The following DCDC2C variants were observed in gnomAD, a reference collection of about 807,000 sequenced individuals.
The protein encoded by DCDC2C is doublecortin domain-containing protein 2C.
DCDC2C carries 44 observed loss-of-function variants against 45.0 expected under a neutral mutation model. The observed-to-expected ratio is 0.98, with a 90% CI of 0.77 to 1.26. The LOEUF (loss-of-function observed/expected upper bound fraction) is 1.26, where lower values mean the gene tolerates loss of function less well. Among genes scored for constraint, DCDC2C ranks in the 50% most tolerant of loss-of-function variants. The pLI, the probability that DCDC2C is intolerant of heterozygous loss-of-function variation, is 0.00. For missense variants in DCDC2C, 447 were observed against 468.9 expected, an observed-to-expected ratio of 0.95 and a Z score of 0.43; for synonymous variants, 187 against 178.8, an observed-to-expected ratio of 1.05 and a Z score of -0.37.
Position 3,747,255 on chromosome 2 carries a change from G to T in DCDC2C, c.545+5207G>T, listed in dbSNP as rs183757549. Among the ~76,000 whole-genome samples the T allele has an allele frequency of 3.3e-5, 5 of 152,350 alleles. No homozygotes were observed. The East Asian group carries it at 9.6e-4, about 29-fold the overall frequency. On this transcript the variant is annotated intron_variant, in intron 4 of 10. Coordinates refer to ENST00000399143, the MANE Select transcript of DCDC2C (RefSeq NM_001287444.2). ...CCTCGGTTTCTGTGCAGGGCTCAGT[G>T]TCAGTCATGCTGCCCTGCATCGTGG...
chr2:3,720,931 C>T (rs773052252), intron 2 of DCDC2C, among the ~76,000 whole-genome samples: 1 of 152,194 alleles, frequency 6.6e-6, no homozygotes, highest in African/African-American at 2.4e-5. Flanking sequence ...ACAAATTCAA[C>T]TCTTCAGTAA....
At chr2:3,815,984 T>C (rs1671548018) in intron 10 of DCDC2C, among the ~76,000 whole-genome samples, 1 of 151,972 alleles carries the variant, frequency 6.6e-6, no homozygotes. Flanking sequence ...TGTTGAAGCA[T>C]TGGGGTGGCA....
chr2:3,798,776 C>T (rs1004750761), intron 10 of DCDC2C, among the ~76,000 whole-genome samples: 4 of 152,030 alleles, frequency 2.6e-5, no homozygotes, highest in African/African-American at 7.2e-5. Flanking sequence ...GAGGGTAACC[C>T]GACCTTTCTC....
At chr2:3,720,247 A>G (rs1458940248) in intron 2 of DCDC2C, among the ~76,000 whole-genome samples, 2 of 152,210 alleles carry the variant, frequency 1.3e-5, no homozygotes, top group African/African-American at 2.4e-5. Context: ...GTCTGTGAGG[A>G]CGTAGCAAAA....
intron 6 of DCDC2C, among the ~76,000 whole-genome samples, chr2:3,759,063 G>A (rs1021206262): frequency 3.3e-5 from 5 of 152,166 alleles, no homozygotes; most frequent in African/African-American, 7.2e-5. Flanking sequence ...GATTGCCTTC[G>A]ACTCTGCAGG....
intron 10 of DCDC2C, among the ~76,000 whole-genome samples, chr2:3,826,564 C>T (rs979057448): frequency 1.3e-5 from 2 of 151,998 alleles, no homozygotes; most frequent in African/African-American, 4.8e-5. Context: ...GGGTACCCTG[C>T]CCCACGAGGT....
intron 10 of DCDC2C, among the ~76,000 whole-genome samples, chr2:3,834,727 T>C (rs1672033392): frequency 6.6e-6 from 1 of 152,188 alleles, no homozygotes. Flanking sequence ...AAGTGACTAG[T>C]TGCCGGGGCT....
chr2:3,777,025 T>C (rs2148168054), intron 8 of DCDC2C, among the ~76,000 whole-genome samples: 1 of 152,266 alleles, frequency 6.6e-6, no homozygotes, highest in East Asian at 1.9e-4. Context: ...TTACCATCTC[T>C]CTGGTCCCAC....
At chr2:3,742,247 A>C (rs550230286) in intron 4 of DCDC2C, among the ~76,000 whole-genome samples, 199 bp downstream of exon 4, 1 of 152,240 alleles carries the variant, frequency 6.6e-6, no homozygotes, top group Non-Finnish European at 1.5e-5. Context: ...TATTCATTCA[A>C]CAAACCATTG....
At chr2:3,729,117 G>A (rs75681590) in intron 3 of DCDC2C, among the ~76,000 whole-genome samples, 9,045 of 152,292 alleles carry the variant, frequency 0.059, 448 homozygotes, top group Admixed American at 0.15. Flanking sequence ...AATGAGCCTT[G>A]GGAGAAAAAG....
At chr2:3,784,124 T>A (rs186762264) in intron 9 of DCDC2C, among the ~76,000 whole-genome samples, 1 of 152,322 alleles carries the variant, frequency 6.6e-6, no homozygotes, top group Non-Finnish European at 1.5e-5. Flanking sequence ...AATGAGGTTT[T>A]TTTGTTGTTA....
At chr2:3,802,512 C>T (rs1374267708) in intron 10 of DCDC2C, among the ~76,000 whole-genome samples, 1 of 152,156 alleles carries the variant, frequency 6.6e-6, no homozygotes, top group African/African-American at 2.4e-5. Context: ...GGCTTAAAAA[C>T]AACAGAAATA....
intron 10 of DCDC2C, among the ~76,000 whole-genome samples, chr2:3,802,579 G>T (rs1427827308): frequency 1.3e-5 from 2 of 152,156 alleles, no homozygotes; most frequent in Non-Finnish European, 2.9e-5. Context: ...GGCAGGCTCG[G>T]TCTGAGGAGG....
intron 10 of DCDC2C, among the ~76,000 whole-genome samples, chr2:3,789,725 T>A (rs915879865): frequency 6.6e-6 from 1 of 152,242 alleles, no homozygotes; most frequent in African/African-American, 2.4e-5. Context: ...GGGTACTGAT[T>A]GCTCAGAATT....
intron 6 of DCDC2C, among the ~76,000 whole-genome samples, chr2:3,756,076 A>ATGTG (rs557602828): frequency 4.7e-5 from 7 of 149,902 alleles, no homozygotes; most frequent in South Asian, 2.1e-4. Flanking sequence ...ATGGATGCAT[A>ATGTG]TGTGTGTGTG....
intron 10 of DCDC2C, among the ~76,000 whole-genome samples, chr2:3,814,299 C>A (rs1261833645): frequency 6.6e-6 from 1 of 152,150 alleles, no homozygotes; most frequent in Admixed American, 6.5e-5. Context: ...ATCCTTTCTT[C>A]CACTTGGTCA....
intron 10 of DCDC2C, among the ~76,000 whole-genome samples, chr2:3,787,348 A>G (rs904380016): frequency 3.3e-5 from 5 of 152,176 alleles, no homozygotes; most frequent in Non-Finnish European, 7.3e-5. Context: ...AAAATGAGAT[A>G]ATTTCCAACT....
intron 6 of DCDC2C, among the ~76,000 whole-genome samples, chr2:3,756,914 C>T (rs1300287793): frequency 6.6e-6 from 1 of 152,032 alleles, no homozygotes; most frequent in Non-Finnish European, 1.5e-5. Flanking sequence ...TTTAGATTTT[C>T]TTTCTCTAAG....
chr2:3,818,223 G>A lies in DCDC2C; in HGVS notation c.1066-28931G>A, dbSNP rs1459042595. Among the ~76,000 whole-genome samples, 1 of 152,178 alleles carries A rather than the reference G, an allele frequency of 6.6e-6. No individual in the cohort carries two copies. Among genetic ancestry groups the A allele is most frequent in the African/African-American group, 2.4e-5 (1 of 41,446 alleles). On this transcript the variant is annotated intron_variant, in intron 10 of 10. Transcript: ENST00000399143. This position sits in a 1 kb window ranked among gnomAD's most constrained non-coding sequence, Gnocchi z 4.7. ...TGGAAAGAAAGTAAATTATGAGAAAGGGCTTGACTGAAGTAATGAGGGCTG... is the reference window on the plus strand; with the variant it reads ...TGGAAAGAAAGTAAATTATGAGAAAAGGCTTGACTGAAGTAATGAGGGCTG...
Sources: gnomAD v4.1 joint callset for allele counts (sites outside exome capture counted in the v4.1 genomes callset) on GRCh38, gnomAD v4.1.1 for gene constraint, Gnocchi (gnomAD v3.1) non-coding constraint, MANE v1.5 for transcripts, NCBI Gene and HGNC (gene_info 2026-07-23, HGNC 2026-07-21) for gene names.